The following DGLUCY variants were observed in gnomAD, a reference collection of about 807,000 sequenced individuals.
The protein encoded by DGLUCY is D-glutamate cyclase, also known as D-glutamate cyclase, mitochondrial.
Under a neutral mutation model 58.5 loss-of-function variants are expected in DGLUCY, and 58 were observed. That is an observed-to-expected ratio of 0.99 (90% CI 0.80 to 1.23). The LOEUF (loss-of-function observed/expected upper bound fraction) is 1.23. DGLUCY is among the 50% of genes most tolerant of loss of function. DGLUCY has a pLI of 0.00. For missense variants in DGLUCY, 779 were observed against 784.7 expected (o/e 0.99, Z 0.09); for synonymous variants, 325 against 314.1 (o/e 1.03, Z -0.37).
chr14:91,217,423 C>T (rs1595950385), intron 13 of DGLUCY, among the ~76,000 whole-genome samples: 1 of 151,444 alleles, frequency 6.6e-6, no homozygotes, highest in Admixed American at 6.6e-5. Context: ...TGCCAGTGGG[C>T]AGGCCCGATA....
At chr14:91,132,566 C>G (rs1233602812) in intron 1 of DGLUCY, among the ~76,000 whole-genome samples, 1 of 151,992 alleles carries the variant, frequency 6.6e-6, no homozygotes, top group African/African-American at 2.4e-5. Context: ...GCAACCTCCA[C>G]CTCCTGAGTT....
chr14:91,105,654 C>T (rs1486379439), upstream of DGLUCY, among the ~76,000 whole-genome samples: 1 of 152,310 alleles, frequency 6.6e-6, no homozygotes, highest in African/African-American at 2.4e-5. Context: ...CTATGAAACT[C>T]ATTCTTCAGA....
At chr14:91,153,176 G>A (rs1034135994) in intron 1 of DGLUCY, among the ~76,000 whole-genome samples, 25 of 151,986 alleles carry the variant, frequency 1.6e-4, no homozygotes, top group Non-Finnish European at 3.7e-4. Context: ...CTGACAGTGA[G>A]CTTTATTTAC....
intron 6 of DGLUCY, chr14:91,175,733 T>C (rs12323858): frequency 0.043 from 21,228 of 492,200 alleles, 2,531 homozygotes; most frequent in African/African-American, 0.31. Context: ...GAAACCACCA[T>C]GCCACATGGA....
chr14:91,200,053 C>T lies in DGLUCY; in HGVS notation c.1444+148C>T, dbSNP rs367648557. On this transcript the variant is annotated intron_variant, in intron 11 of 13. Coordinates refer to ENST00000256324, the MANE Select transcript of DGLUCY (RefSeq NM_001102368.3). ...CACTGCAACCTCTGCCTCCTGGGTT[C>T]GAGCAATTCTTCTGCCTCAGCCTCC... The T allele has an allele frequency of 9.5e-5, 95 of 998,662 alleles. No individual in the cohort carries two copies. The African/African-American group carries it at 1.2e-3, about 12-fold the overall frequency. The allele number at this position is 998,662 out of a possible 1,614,324, so 61.9% of individuals were successfully genotyped here. A position where few individuals can be genotyped will look rare whatever the true frequency, so the allele number is the denominator to read the frequency against.
rs757756441 is a variant in DGLUCY, at chr14:91,215,663, T to G, written c.1716+107T>G. ...CCGAGGGCTGGCACCCTGCTGCCCCTCAAAAGCCAGAGGCAGAGCCAGCCT... is the reference window on the plus strand; with the variant it reads ...CCGAGGGCTGGCACCCTGCTGCCCCGCAAAAGCCAGAGGCAGAGCCAGCCT... On this transcript the variant is annotated intron_variant, in intron 13 of 13. Coordinates refer to ENST00000256324, the MANE Select transcript of DGLUCY (RefSeq NM_001102368.3). 6 of 1,595,216 alleles carry G rather than the reference T, an allele frequency of 3.8e-6. No individual in the cohort carries two copies. In the South Asian group the frequency reaches 6.7e-5, roughly 18 times the overall value.
intron 2 of DGLUCY, among the ~76,000 whole-genome samples, chr14:91,159,636 G>A (rs1249097060): frequency 6.6e-6 from 1 of 152,094 alleles, no homozygotes; most frequent in Non-Finnish European, 1.5e-5. Flanking sequence ...ATTGTATAAG[G>A]CACTGTGCCT....
intron 1 of DGLUCY, among the ~76,000 whole-genome samples, chr14:91,118,342 G>T (rs909137007): frequency 3.9e-4 from 60 of 152,134 alleles, no homozygotes; most frequent in African/African-American, 1.2e-3. Flanking sequence ...TGATCCACCT[G>T]CCTCGGCCTC....
Position 91,175,983 on chromosome 14 carries a change from G to A in DGLUCY, c.657G>A (p.Met219Ile). 6.2e-7 allele frequency: 1 copy of A among 1,614,084 alleles called. No individual in the cohort carries two copies. The highest frequency in any genetic ancestry group is 8.5e-7 in the Non-Finnish European group (1 of 1,179,960). The change falls in exon 7 of 14, where the codon ATG (methionine) becomes ATA (isoleucine). Residue 219 changes from methionine (M) to isoleucine (I), a missense_variant. Transcript: ENST00000256324. ...ELSKPAYGDA[M>I]VCPPGEVPVF... ...CCAAACCTGCCTACGGGGATGCCAT[G>A]GTGTGTCCCCCAGGGGAGGTTCCAG...
At chr14:91,130,304 TC>T (rs1320901997) in intron 1 of DGLUCY, among the ~76,000 whole-genome samples, 71 of 151,366 alleles carry the variant, frequency 4.7e-4, no homozygotes, top group Admixed American at 9.2e-4. Flanking sequence ...TCTTTTCTTT[TC>T]TTTTTTTTTT....
intron 1 of DGLUCY, among the ~76,000 whole-genome samples, chr14:91,087,196 T>C (rs528422716): frequency 2.0e-5 from 3 of 152,360 alleles, no homozygotes; most frequent in African/African-American, 7.2e-5. Context: ...CAATATCTTA[T>C]TCATCTTCTC....
intron 1 of DGLUCY, among the ~76,000 whole-genome samples, chr14:91,084,618 C>G (rs2044181666): frequency 6.6e-6 from 1 of 152,164 alleles, no homozygotes; most frequent in South Asian, 2.1e-4. Context: ...CAATCTCTAG[C>G]CCACCCTGTC....
intron 5 of DGLUCY, among the ~76,000 whole-genome samples, chr14:91,172,337 C>T (rs1395834874): frequency 6.6e-6 from 1 of 152,190 alleles, no homozygotes; most frequent in Non-Finnish European, 1.5e-5. Flanking sequence ...TCTTGGCCTC[C>T]CAAAGTGCTG....
chr14:91,204,230 C>T (rs1450343799), intron 11 of DGLUCY, among the ~76,000 whole-genome samples: 2 of 152,188 alleles, frequency 1.3e-5, no homozygotes, highest in Non-Finnish European at 2.9e-5. Flanking sequence ...TAGGATATTT[C>T]AGATGTTAAC....
intron 9 of DGLUCY, among the ~76,000 whole-genome samples, chr14:91,191,035 G>A (rs1336319393): frequency 2.0e-5 from 3 of 152,168 alleles, no homozygotes; most frequent in Admixed American, 6.5e-5. Context: ...CTGACCCGAT[G>A]GGACCCCGCC....
At chr14:91,171,617 C>T (rs983039654) in intron 5 of DGLUCY, among the ~76,000 whole-genome samples, 1 of 152,244 alleles carries the variant, frequency 6.6e-6, no homozygotes, top group Non-Finnish European at 1.5e-5. Flanking sequence ...AGGTTCCATC[C>T]TGCTGCCGCC....
At chr14:91,073,724 G>T (rs189502605) in intron 1 of DGLUCY, among the ~76,000 whole-genome samples, 2 of 152,012 alleles carry the variant, frequency 1.3e-5, no homozygotes, top group African/African-American at 4.8e-5. Context: ...GTTAAGAGCC[G>T]CTCCCTTGCC....
rs543455644 is a variant in DGLUCY at position 91,169,656 on chromosome 14, C to T, written c.258-347C>T. 4.0e-5 allele frequency among the ~76,000 whole-genome samples: 6 copies of T among 151,180 alleles called. No homozygotes were observed. The East Asian group carries it at 5.9e-4, about 15-fold the overall frequency. On this transcript the variant is annotated intron_variant, in intron 4 of 13. Coordinates refer to ENST00000256324, the MANE Select transcript of DGLUCY (RefSeq NM_001102368.3). The stretch of plus-strand genomic sequence containing the variant: ...AACTCCGGAGTTCAAGTGATCTGCC[C>T]GCCTCGGCCTCCCAAAGTGCTGGGA...
At chr14:91,194,827 C>T (rs1237945585) in intron 9 of DGLUCY, among the ~76,000 whole-genome samples, 3 of 152,150 alleles carry the variant, frequency 2.0e-5, no homozygotes, top group African/African-American at 7.2e-5. Context: ...GTGTGAGCTA[C>T]GTGCCCGGCC....
Sources: allele counts gnomAD v4.1 joint callset (sites outside exome capture counted in the v4.1 genomes callset), GRCh38; gene constraint gnomAD v4.1.1; transcripts MANE v1.5; gene names NCBI Gene and HGNC (gene_info 2026-07-23, HGNC 2026-07-21).